CTNNA3: variants seen among roughly 807,000 people sequenced by gnomAD.
CTNNA3 encodes catenin alpha 3.
In CTNNA3, 76 loss-of-function variants were observed where a neutral mutation model predicts 95.7. The ratio of observed to expected loss-of-function variants is 0.79; its 90% CI spans 0.66 to 0.96. CTNNA3 has a LOEUF of 0.96. Among genes scored for constraint, CTNNA3 ranks in the 40% least tolerant of loss-of-function variants. The pLI, the probability that CTNNA3 is intolerant of heterozygous loss-of-function variation, is 0.00. For missense variants in CTNNA3, 1,191 were observed against 1,089.8 expected, an observed-to-expected ratio of 1.09 and a Z score of -1.31; for synonymous variants, 431 against 374.4, an observed-to-expected ratio of 1.15 and a Z score of -1.74.
intron 3 of CTNNA3, among the ~76,000 whole-genome samples, chr10:67,540,548 G>T (rs1840651001): frequency 6.6e-6 from 1 of 151,832 alleles, no homozygotes; most frequent in South Asian, 2.1e-4. Flanking sequence ...ATTTTTCCAT[G>T]AATGTATGAT....
chr10:66,204,035 T>G (rs1171027786), intron 13 of CTNNA3, among the ~76,000 whole-genome samples: 1 of 152,086 alleles, frequency 6.6e-6, no homozygotes, highest in African/African-American at 2.4e-5. Context: ...ACAGACACAT[T>G]GTCATCTTTA....
chr10:66,795,484 C>G (rs181787487), intron 7 of CTNNA3, among the ~76,000 whole-genome samples: 1 of 152,220 alleles, frequency 6.6e-6, no homozygotes, highest in East Asian at 1.9e-4. Flanking sequence ...CATTTGCTGT[C>G]ATCTAGGCTT....
At chr10:67,067,305 A>C (rs75770943) in intron 7 of CTNNA3, among the ~76,000 whole-genome samples, 8,383 of 152,104 alleles carry the variant, frequency 0.055, 338 homozygotes, top group South Asian at 0.19. Context: ...AACCACTTTA[A>C]TACTGCATGT....
At chr10:66,334,746 A>G (rs1045198129) in intron 12 of CTNNA3, among the ~76,000 whole-genome samples, 6 of 151,740 alleles carry the variant, frequency 4.0e-5, no homozygotes, top group Non-Finnish European at 2.9e-5. Context: ...TCTTTGTGGC[A>G]TTCTCTGTAT....
At chr10:67,716,403 A>G (rs1841143331) in intron 1 of CTNNA3, among the ~76,000 whole-genome samples, 1 of 152,132 alleles carries the variant, frequency 6.6e-6, no homozygotes, top group South Asian at 2.1e-4. Context: ...TATACGTGCC[A>G]TGGTGGTTTG....
intron 11 of CTNNA3, among the ~76,000 whole-genome samples, chr10:66,408,879 C>G (rs1479537562): frequency 6.6e-6 from 1 of 152,098 alleles, no homozygotes; most frequent in African/African-American, 2.4e-5. Flanking sequence ...TAATCTTTTT[C>G]TATATGAGCA....
chr10:66,601,886 G>A (rs535644309), intron 10 of CTNNA3, among the ~76,000 whole-genome samples: 9 of 151,922 alleles, frequency 5.9e-5, no homozygotes, highest in Admixed American at 2.0e-4. Flanking sequence ...TGAACTGCCA[G>A]TCCTAAACTT....
At chr10:66,551,634 T>C (rs893696434) in intron 10 of CTNNA3, among the ~76,000 whole-genome samples, 3 of 152,108 alleles carry the variant, frequency 2.0e-5, no homozygotes, top group Non-Finnish European at 4.4e-5. Context: ...AATTACGTCT[T>C]GTGTGTGTTT....
At chr10:66,076,475 G>T (rs2080562771) in intron 14 of CTNNA3, among the ~76,000 whole-genome samples, 1 of 151,496 alleles carries the variant, frequency 6.6e-6, no homozygotes, top group Admixed American at 6.6e-5. Flanking sequence ...ATTGGAGTTG[G>T]ACTTTAAGAA....
chr10:67,661,652 A>C (rs1298883713), intron 1 of CTNNA3, among the ~76,000 whole-genome samples: 1 of 152,198 alleles, frequency 6.6e-6, no homozygotes, highest in Non-Finnish European at 1.5e-5. Context: ...TCTTGTATCC[A>C]GGAAATAAAA....
chr10:66,919,568 C>T (rs945175206), intron 7 of CTNNA3, among the ~76,000 whole-genome samples: 2 of 152,132 alleles, frequency 1.3e-5, no homozygotes, highest in Non-Finnish European at 2.9e-5. Context: ...CTTGCAATGT[C>T]TCATTCATTA....
intron 7 of CTNNA3, among the ~76,000 whole-genome samples, chr10:66,910,957 G>A (rs1418329472): frequency 6.6e-6 from 1 of 152,174 alleles, no homozygotes; most frequent in African/African-American, 2.4e-5. Flanking sequence ...AGACCATTCT[G>A]AAGTTGCCCT....
At chr10:65,930,199 T>TAAAAAAAAAAAAA (rs71472402) in intron 17 of CTNNA3, among the ~76,000 whole-genome samples, 3 of 60,714 alleles carry the variant, frequency 4.9e-5, no homozygotes, top group Non-Finnish European at 9.6e-5. Context: ...CAGAGCTCAG[T>TAAAAAAAAAAAAA]AAAAAAAAAA....
intron 7 of CTNNA3, among the ~76,000 whole-genome samples, chr10:67,107,173 G>A (rs1858680491): frequency 6.6e-6 from 1 of 152,144 alleles, no homozygotes; most frequent in Non-Finnish European, 1.5e-5. Flanking sequence ...ATTCCAATAG[G>A]ATTTGTTAAA....
chr10:67,724,875 G>A lies in CTNNA3; in HGVS notation c.-2+38559C>T, dbSNP rs373361588. Among the ~76,000 whole-genome samples the A allele has an allele frequency of 1.3e-3, 198 of 152,242 alleles. 4 individuals carry two copies. In the South Asian group the frequency reaches 0.014, roughly 11 times the overall value. On this transcript the variant is annotated intron_variant, in intron 1 of 17. Coordinates refer to the CTNNA3 transcript ENST00000684154. Reference sequence around the variant, plus strand: ...TTGTAATAATTAGAGGCTTAGGAAAGTTTCCAAATACATATTTATACAACA... The same window carrying A: ...TTGTAATAATTAGAGGCTTAGGAAAATTTCCAAATACATATTTATACAACA...
chr10:66,006,574 G>C (rs959836555), intron 15 of CTNNA3, among the ~76,000 whole-genome samples: 1 of 152,038 alleles, frequency 6.6e-6, no homozygotes, highest in African/African-American at 2.4e-5. Context: ...CTGACTGTGA[G>C]AGTCCCTCTT....
chr10:66,158,670 T>C (rs2084681471), intron 13 of CTNNA3, among the ~76,000 whole-genome samples: 1 of 152,160 alleles, frequency 6.6e-6, no homozygotes, highest in Non-Finnish European at 1.5e-5. Context: ...AATTGTTTTT[T>C]CTAATTCTGT....
At chr10:67,477,324 A>G (rs1848053038) in intron 5 of CTNNA3, among the ~76,000 whole-genome samples, 1 of 151,800 alleles carries the variant, frequency 6.6e-6, no homozygotes. Context: ...CCTACCCCGT[A>G]TGGCCCCACC....
chr10:67,721,926 AG>A (rs1841181694), intron 1 of CTNNA3, among the ~76,000 whole-genome samples: 1 of 152,026 alleles, frequency 6.6e-6, no homozygotes, highest in Admixed American at 6.6e-5. Flanking sequence ...CCTCTGCTGC[AG>A]GTCTGCTGGA....
Sources: gnomAD v4.1 joint callset for allele counts (sites outside exome capture counted in the v4.1 genomes callset) on GRCh38, gnomAD v4.1.1 for gene constraint, MANE v1.5 for transcripts, NCBI Gene and HGNC (gene_info 2026-07-23, HGNC 2026-07-21) for gene names.